Variants in PSD3 observed in about 807,000 individuals in gnomAD.
PSD3 encodes pleckstrin and Sec7 domain containing 3.
Under a neutral mutation model 105.5 loss-of-function variants are expected in PSD3, and 49 were observed. The ratio of observed to expected loss-of-function variants is 0.46; its 90% confidence interval spans 0.37 to 0.59. PSD3 has a LOEUF of 0.59. PSD3 is among the 20% of genes least tolerant of loss of function. The probability of loss-of-function intolerance (pLI) is 0.00; values close to 1 mark genes in which losing one functional copy is unlikely to be tolerated. For missense variants in PSD3, 1,561 were observed against 1,263.8 expected, an observed-to-expected ratio of 1.24 and a Z score of -3.57; for synonymous variants, 557 against 457.8, an observed-to-expected ratio of 1.22 and a Z score of -2.77.
intron 15 of PSD3, among the ~76,000 whole-genome samples, chr8:18,542,048 C>T (rs867333173): frequency 3.3e-5 from 5 of 152,036 alleles, no homozygotes; most frequent in African/African-American, 9.7e-5. Context: ...CCACCTCATT[C>T]GGCCCTGAGA....
At chr8:18,842,131 G>A (rs926075722) in intron 4 of PSD3, among the ~76,000 whole-genome samples, 3 of 152,146 alleles carry the variant, frequency 2.0e-5, no homozygotes, top group Non-Finnish European at 4.4e-5. Context: ...CTACTGCTGG[G>A]TCCATAATGA....
At chr8:18,576,745 G>A (rs1017310546) in intron 12 of PSD3, among the ~76,000 whole-genome samples, 7 of 152,036 alleles carry the variant, frequency 4.6e-5, no homozygotes, top group African/African-American at 1.4e-4. Context: ...CATGAGGTAG[G>A]TAAATAACTG....
At chr8:18,986,351 T>C (rs1825494780) in intron 1 of PSD3, among the ~76,000 whole-genome samples, 1 of 152,192 alleles carries the variant, frequency 6.6e-6, no homozygotes, top group Non-Finnish European at 1.5e-5. Context: ...GCCTTTACTG[T>C]CAAATACTGG....
At position 18,871,530 on chromosome 8, in the gene PSD3, G is replaced by A. The variant is rs148993976; in HGVS notation, c.1238+96C>T. On this transcript the variant is annotated intron_variant, in intron 3 of 15. Coordinates refer to ENST00000327040, the MANE Select transcript of PSD3 (RefSeq NM_015310.4). ...ATATTCCATGATAACAAGAACCCAAGGTATTGTGATTGAGTTCTCATATCA... is the reference window on the plus strand; with the variant it reads ...ATATTCCATGATAACAAGAACCCAAAGTATTGTGATTGAGTTCTCATATCA... The A allele has an allele frequency of 1.9e-3, 2,726 of 1,429,672 alleles. 2 individuals are homozygous for A. Among genetic ancestry groups the A allele is most frequent in the Middle Eastern group, 8.4e-3 (33 of 3,922 alleles). 88.6% of individuals were successfully genotyped at this position (1,429,672 alleles called of 1,614,324 possible).
chr8:18,575,002 TA>T, intron 13 of PSD3, 125 bp downstream of exon 13: 2 of 910,400 alleles, frequency 2.2e-6, no homozygotes, highest in Non-Finnish European at 3.1e-6. Flanking sequence ...TTCTCTAATG[TA>T]AGCAGTTGAT....
intron 2 of PSD3, among the ~76,000 whole-genome samples, chr8:18,882,600 C>G (rs1465035345): frequency 6.6e-6 from 1 of 152,128 alleles, no homozygotes; most frequent in Non-Finnish European, 1.5e-5. Context: ...TCAGCATGAT[C>G]CTACATGAGC....
intron 2 of PSD3, among the ~76,000 whole-genome samples, chr8:18,920,260 T>G (rs1359691260): frequency 6.6e-6 from 1 of 152,144 alleles, no homozygotes; most frequent in Non-Finnish European, 1.5e-5. Context: ...TATCCTACAG[T>G]GAAATCCATC....
At chr8:18,562,144 T>C (rs973017504) in intron 14 of PSD3, among the ~76,000 whole-genome samples, 17 of 152,128 alleles carry the variant, frequency 1.1e-4, no homozygotes, top group Non-Finnish European at 2.5e-4. Context: ...CGAGCGCCCA[T>C]ACAGCAGGCA....
chr8:18,985,069 G>A (rs1825434727), intron 1 of PSD3, among the ~76,000 whole-genome samples: 1 of 152,152 alleles, frequency 6.6e-6, no homozygotes, highest in Non-Finnish European at 1.5e-5. Context: ...GAGTAGCTGG[G>A]ATTGCAGGTG....
At position 18,724,879 on chromosome 8, in the gene PSD3, C is replaced by T. The variant is rs12056516; in HGVS notation, c.2172+40570G>A. 3.3e-5 allele frequency among the ~76,000 whole-genome samples: 5 copies of T among 152,086 alleles called. No individual in the cohort carries two copies. In the East Asian group the frequency reaches 9.7e-4, roughly 29 times the overall value. On this transcript the variant is annotated intron_variant, in intron 9 of 15. Transcript: ENST00000327040. ...TAAGGAGAAATATGTGGTCAAAGAA[C>T]AATCGTAACAACTAGATGGGAACAA...
intron 1 of PSD3, among the ~76,000 whole-genome samples, chr8:19,011,940 C>G (rs1172890720): frequency 6.6e-6 from 1 of 152,172 alleles, no homozygotes; most frequent in East Asian, 1.9e-4. Flanking sequence ...GAGTACATCA[C>G]TGAATAAGTA....
intron 9 of PSD3, among the ~76,000 whole-genome samples, chr8:18,734,692 C>A (rs1381526648): frequency 6.6e-6 from 1 of 152,158 alleles, no homozygotes; most frequent in Admixed American, 6.5e-5. Context: ...CTACTGTTTT[C>A]TAAACGATGA....
At chr8:18,674,646 T>G (rs1289362323) in intron 9 of PSD3, among the ~76,000 whole-genome samples, 2 of 152,200 alleles carry the variant, frequency 1.3e-5, no homozygotes, top group African/African-American at 4.8e-5. Flanking sequence ...CTCAAAACAC[T>G]GTCCAACCAT....
At chr8:18,918,757 C>CCTGTCAAACTTCCA (rs1820794010) in intron 2 of PSD3, among the ~76,000 whole-genome samples, 1 of 152,026 alleles carries the variant, frequency 6.6e-6, no homozygotes, top group Admixed American at 6.6e-5. Flanking sequence ...GTTCCACCAA[C>CCTGTCAAACTTCCA]CTGTCAAACT....
At chr8:18,624,900 C>T (rs1565141) in intron 11 of PSD3, among the ~76,000 whole-genome samples, 7,787 of 151,552 alleles carry the variant, frequency 0.051, 231 homozygotes, top group East Asian at 0.1. Context: ...TATGTATATA[C>T]GTATGCCTGT....
intron 11 of PSD3, among the ~76,000 whole-genome samples, chr8:18,628,955 A>G (rs189611590): frequency 1.3e-5 from 2 of 152,126 alleles, no homozygotes; most frequent in East Asian, 3.9e-4. Flanking sequence ...ACTAATAACT[A>G]CTATAAATGT....
At chr8:19,045,637 A>G (rs990973016) in intron 1 of PSD3, among the ~76,000 whole-genome samples, 5 of 152,222 alleles carry the variant, frequency 3.3e-5, no homozygotes, top group African/African-American at 1.2e-4. Flanking sequence ...GATAGTAAGT[A>G]ATTATCCCTT....
intron 1 of PSD3, among the ~76,000 whole-genome samples, chr8:19,010,204 T>C (rs1470345711): frequency 1.3e-5 from 2 of 152,082 alleles, no homozygotes; most frequent in East Asian, 3.9e-4. Flanking sequence ...CAGCCTGACA[T>C]GCAGGAAGGG....
At chr8:18,672,345 G>GT (rs1174216910) in intron 9 of PSD3, among the ~76,000 whole-genome samples, 1 of 151,876 alleles carries the variant, frequency 6.6e-6, no homozygotes, top group African/African-American at 2.4e-5. Context: ...TAAATGGCCT[G>GT]TAAAAAAAAC....
Sources: gnomAD v4.1 joint callset for allele counts (sites outside exome capture counted in the v4.1 genomes callset) on GRCh38, gnomAD v4.1.1 for gene constraint, MANE v1.5 for transcripts, NCBI Gene and HGNC (gene_info 2026-07-23, HGNC 2026-07-21) for gene names.